CRTC1: variants seen among roughly 807,000 people sequenced by gnomAD.
CRTC1 encodes CREB-regulated transcription coactivator 1.
CRTC1 carries 18 observed loss-of-function variants against 66.1 expected under a neutral mutation model. That is an observed-to-expected ratio of 0.27 (90% confidence interval 0.19 to 0.40). The LOEUF (loss-of-function observed/expected upper bound fraction) is 0.40, where lower values mean the gene tolerates loss of function less well. Ranked by LOEUF, CRTC1 falls within the 10% of genes least tolerant of loss-of-function variation. The pLI is 1.00. For missense variants in CRTC1, 669 were observed against 887.9 expected, an observed-to-expected ratio of 0.75 and a Z score of 3.13; for synonymous variants, 416 against 398.8, an observed-to-expected ratio of 1.04 and a Z score of -0.51.
chr19:18,696,073 G>C (rs147150004), intron 1 of CRTC1, among the ~76,000 whole-genome samples: 14 of 152,284 alleles, frequency 9.2e-5, no homozygotes, highest in African/African-American at 3.4e-4. Context: ...GTACATGACT[G>C]CTCTGGGCAG....
intron 8 of CRTC1, 74 bp from the exon 9 acceptor site, chr19:18,765,330 T>C: frequency 6.5e-7 from 1 of 1,545,948 alleles, no homozygotes; most frequent in Non-Finnish European, 8.8e-7. Context: ...GCAGTGTGAC[T>C]GTGGGTGTGT....
chr19:18,720,868 C>CTG (rs1568497109), intron 1 of CRTC1, among the ~76,000 whole-genome samples: 5 of 151,766 alleles, frequency 3.3e-5, no homozygotes, highest in East Asian at 1.9e-4. Flanking sequence ...ATGGGGCCCT[C>CTG]TCTGCCCGAG....
chr19:18,727,377 C>T (rs181274969), intron 1 of CRTC1, among the ~76,000 whole-genome samples: 35 of 151,758 alleles, frequency 2.3e-4, no homozygotes, highest in African/African-American at 6.8e-4. Context: ...GTCAGGAGAT[C>T]GAGACCATCC....
At chr19:18,756,383 G>A (rs973517915) in intron 6 of CRTC1, among the ~76,000 whole-genome samples, 7 of 146,316 alleles carry the variant, frequency 4.8e-5, no homozygotes, top group Admixed American at 2.1e-4. Flanking sequence ...ACAGTGGCTC[G>A]TGCCTGTAAT....
In CRTC1 at chr19:18,708,868, C is replaced by T. The variant is rs547694490; in HGVS notation, c.126+25040C>T. On this transcript the variant is annotated intron_variant, in intron 1 of 13. Transcript: ENST00000321949. ...TGCCCCTACTCAGCCACCCTGCCCA[C>T]GCCGTGGCAAGCCCAGAGCTGTGCT... 6.0e-4 allele frequency among the ~76,000 whole-genome samples: 92 copies of T among 152,204 alleles called. 3 individuals carry two copies. The highest frequency in any genetic ancestry group is 5.6e-4 in the Non-Finnish European group (38 of 68,022).
chr19:18,777,155 CCA>C lies in CRTC1; in HGVS notation c.1694-14_1694-13del. The C allele has an allele frequency of 7.3e-7, 1 of 1,372,124 alleles. No individual in the cohort carries two copies. Among genetic ancestry groups the C allele is most frequent in the Non-Finnish European group, 1.0e-6 (1 of 965,432 alleles). The allele number at this position is 1,372,124 out of a possible 1,614,324, so 85.0% of individuals were successfully genotyped here. On this transcript the variant is annotated splice_polypyrimidine_tract_variant and intron_variant, in intron 13 of 13. Transcript: ENST00000321949. This position sits in a 1 kb window ranked among gnomAD's most constrained non-coding sequence, Gnocchi z 5.5. ...CAGGGCTAAGCAGTGCCTTTTGTCC[CCA>C]CCCCATCCCCCAGTGACAGGAGAGT...
intron 11 of CRTC1, among the ~76,000 whole-genome samples, chr19:18,773,879 G>A (rs1015139640): frequency 6.6e-6 from 1 of 152,122 alleles, no homozygotes; most frequent in Admixed American, 6.5e-5. Flanking sequence ...TGGGATTGAG[G>A]CCAGAGACTC....
At chr19:18,697,311 C>T (rs1334295274) in intron 1 of CRTC1, among the ~76,000 whole-genome samples, 1 of 152,138 alleles carries the variant, frequency 6.6e-6, no homozygotes, top group African/African-American at 2.4e-5. Context: ...TCAGCCCCCA[C>T]CTCGCTTCCT....
Position 18,750,761 on chromosome 19 carries a change from T to A in CRTC1, c.538+886T>A, listed in dbSNP as rs568946247. On this transcript the variant is annotated intron_variant, in intron 5 of 13. Coordinates refer to ENST00000321949, the MANE Select transcript of CRTC1 (RefSeq NM_015321.3). ...TGTTGGCCAGAACCTCACTCCGGGG[T>A]TCCGGCTCAGCGTGCAGCAGAGACG... Among the ~76,000 whole-genome samples the A allele has an allele frequency of 8.5e-5, 13 of 152,164 alleles. 1 individual carries two copies. The South Asian group carries it at 2.3e-3, about 27-fold the overall frequency.
In CRTC1 at chr19:18,766,636, G is replaced by C. The variant is rs1025257545; in HGVS notation, c.1011+1108G>C. ...AATTAAAAAAAATAATAATAGAGAT[G>C]GGGTTTTGCCATGTTGGCCAGGCTG... On this transcript the variant is annotated intron_variant, in intron 9 of 13. Transcript: ENST00000321949. 1.8e-4 allele frequency among the ~76,000 whole-genome samples: 27 copies of C among 151,910 alleles called. 1 individual carries two copies. The highest frequency in any genetic ancestry group is 1.6e-3 in the Admixed American group (25 of 15,246).
intron 1 of CRTC1, among the ~76,000 whole-genome samples, chr19:18,721,734 A>G (rs1435596329): frequency 2.6e-5 from 4 of 152,148 alleles, no homozygotes; most frequent in Non-Finnish European, 4.4e-5. Flanking sequence ...AGCTCAAGCA[A>G]TCCACCTGCC....
At chr19:18,690,354 C>G (rs1365957522) in intron 1 of CRTC1, among the ~76,000 whole-genome samples, 1 of 152,188 alleles carries the variant, frequency 6.6e-6, no homozygotes, top group African/African-American at 2.4e-5. Context: ...GCCCGCCCCC[C>G]AGTCCTGGCT....
At chr19:18,722,700 C>T (rs2053656227) in intron 1 of CRTC1, among the ~76,000 whole-genome samples, 1 of 152,072 alleles carries the variant, frequency 6.6e-6, no homozygotes, top group Non-Finnish European at 1.5e-5. Context: ...TGCTGTGCAA[C>T]CTTCCCTTCT....
At chr19:18,693,520 C>T (rs1281390069) in intron 1 of CRTC1, among the ~76,000 whole-genome samples, 15 of 136,888 alleles carry the variant, frequency 1.1e-4, no homozygotes, top group African/African-American at 3.1e-4. Context: ...TTCTCTCTGT[C>T]GCCCAGGCTA....
Position 18,711,402 on chromosome 19 carries a change from G to A in CRTC1, c.126+27574G>A, listed in dbSNP as rs534096024. The stretch of plus-strand genomic sequence containing the variant: ...CCTGGGCCGGGCGGGAGCTGGGGAT[G>A]CATCCATCGCCTGCCAGGAATCCGG... On this transcript the variant is annotated intron_variant, in intron 1 of 13. Transcript: ENST00000321949. Among the ~76,000 whole-genome samples the A allele has an allele frequency of 9.2e-5, 14 of 152,280 alleles. No homozygotes were observed. The South Asian group carries it at 2.7e-3, about 29-fold the overall frequency.
At chr19:18,773,180 G>C (rs991895981) in intron 11 of CRTC1, among the ~76,000 whole-genome samples, 1 of 152,070 alleles carries the variant, frequency 6.6e-6, no homozygotes, top group Non-Finnish European at 1.5e-5. Flanking sequence ...ACATCAGTAC[G>C]GGGCTCTCAG....
At chr19:18,728,407 T>C (rs2145663944) in intron 1 of CRTC1, among the ~76,000 whole-genome samples, 1 of 152,284 alleles carries the variant, frequency 6.6e-6, no homozygotes, top group East Asian at 1.9e-4. Context: ...CTTAAAAGTA[T>C]CAGAGATCCC....
At chr19:18,688,686 C>T (rs377738923) in intron 1 of CRTC1, among the ~76,000 whole-genome samples, 335 of 152,208 alleles carry the variant, frequency 2.2e-3, no homozygotes, top group African/African-American at 7.3e-3. Flanking sequence ...GATCCGCCCA[C>T]CTCGGCCTCT....
At chr19:18,698,234 C>T (rs2053041317) in intron 1 of CRTC1, among the ~76,000 whole-genome samples, 1 of 149,286 alleles carries the variant, frequency 6.7e-6, no homozygotes, top group South Asian at 2.1e-4. Flanking sequence ...AGTGTGTACT[C>T]AGCAGGCACT....
Sources: gnomAD v4.1 joint callset for allele counts (sites outside exome capture counted in the v4.1 genomes callset) on GRCh38, gnomAD v4.1.1 for gene constraint, Gnocchi (gnomAD v3.1) non-coding constraint, MANE v1.5 for transcripts, NCBI Gene and HGNC (gene_info 2026-07-23, HGNC 2026-07-21) for gene names.